The following SDK1 variants were observed in gnomAD, a reference collection of about 807,000 sequenced individuals.
SDK1 encodes protein sidekick-1.
In SDK1, 157 loss-of-function variants were observed where a neutral mutation model predicts 245.5. The ratio of observed to expected loss-of-function variants is 0.64; its 90% confidence interval spans 0.56 to 0.73. The LOEUF (loss-of-function observed/expected upper bound fraction) is 0.73. Among genes scored for constraint, SDK1 ranks in the 30% least tolerant of loss-of-function variants. The pLI, the probability that SDK1 is intolerant of heterozygous loss-of-function variation, is 0.00. For synonymous variants in SDK1, 1,647 were observed against 1,278.5 expected (o/e 1.29, Z -6.15); for missense variants, 3,583 against 3,002.3 (o/e 1.19, Z -4.52).
At position 3,639,012 on chromosome 7, in the gene SDK1, T is replaced by C. The variant is rs748013959; in HGVS notation, c.467T>C (p.Ile156Thr). 2 of 1,597,016 alleles carry C rather than the reference T, an allele frequency of 1.3e-6. No homozygotes were observed. Among genetic ancestry groups the C allele is most frequent in the Non-Finnish European group, 1.7e-6 (2 of 1,167,086 alleles). Residue 156 changes from isoleucine (I) to threonine (T), a missense_variant, in exon 3 of 45, where the codon ATT (isoleucine) becomes ACT (threonine). Coordinates refer to ENST00000404826, the MANE Select transcript of SDK1 (RefSeq NM_152744.4). ...TTTTTGCTATTCAACAGGTACATTA[T>C]TCCATCTTTGCAGAAGCTCGATGCT... ...TTYSSEYKYI[I>T]PSLQKLDAGF...
intron 5 of SDK1, among the ~76,000 whole-genome samples, chr7:3,861,007 A>G (rs1780678392): frequency 6.6e-6 from 1 of 152,146 alleles, no homozygotes; most frequent in Admixed American, 6.5e-5. Flanking sequence ...CTTTGGCTCA[A>G]GTAAACTGTC....
At position 4,265,002 on chromosome 7, in the gene SDK1, G is replaced by A. The variant is rs1788364923; in HGVS notation, c.6382-122G>A. On this transcript the variant is annotated intron_variant, in intron 44 of 44. Coordinates refer to ENST00000404826, the MANE Select transcript of SDK1 (RefSeq NM_152744.4). Reference sequence around the variant, plus strand: ...GCCTGGCATTGGGTTGGGGTGGGGAGAGGGCTGGAGACCGCGACACACGCC... The same window carrying A: ...GCCTGGCATTGGGTTGGGGTGGGGAAAGGGCTGGAGACCGCGACACACGCC... The A allele has an allele frequency of 4.2e-6, 6 of 1,435,324 alleles. No individual in the cohort carries two copies. In the South Asian group the frequency reaches 8.3e-5, roughly 20 times the overall value. The allele number at this position is 1,435,324 out of a possible 1,614,324, so 88.9% of individuals were successfully genotyped here. A position where few individuals can be genotyped will look rare whatever the true frequency, so the allele number is the denominator to read the frequency against.
intron 5 of SDK1, among the ~76,000 whole-genome samples, chr7:3,884,292 T>C (rs1024053971): frequency 6.6e-6 from 1 of 152,144 alleles, no homozygotes; most frequent in Admixed American, 6.6e-5. Context: ...TTATTTCATG[T>C]CCCACTAGAC....
At chr7:4,005,963 A>G (rs1000533791) in intron 14 of SDK1, among the ~76,000 whole-genome samples, 4 of 136,236 alleles carry the variant, frequency 2.9e-5, no homozygotes, top group African/African-American at 1.2e-4. Context: ...GGAAAAGAAC[A>G]TGACTAAGGC....
At chr7:3,569,041 G>C in intron 1 of SDK1, among the ~76,000 whole-genome samples, 1 of 148,636 alleles carries the variant, frequency 6.7e-6, no homozygotes, top group East Asian at 2.0e-4. Flanking sequence ...ATTACCATGA[G>C]TGGTTCTTGG....
At chr7:3,354,053 C>T (rs978721074) in intron 1 of SDK1, among the ~76,000 whole-genome samples, 2 of 149,306 alleles carry the variant, frequency 1.3e-5, no homozygotes, top group Admixed American at 1.3e-4. Flanking sequence ...AGTGCAGTGG[C>T]GAGATCTCGG....
chr7:4,033,553 A>G (rs1787989948), intron 17 of SDK1, among the ~76,000 whole-genome samples: 1 of 152,212 alleles, frequency 6.6e-6, no homozygotes, highest in African/African-American at 2.4e-5. Context: ...AATTGGGGGA[A>G]ATCTTTGCAG....
chr7:4,102,829 AACAG>A (rs761102779), intron 22 of SDK1, among the ~76,000 whole-genome samples: 4 of 152,102 alleles, frequency 2.6e-5, no homozygotes, highest in East Asian at 1.9e-4. Flanking sequence ...CCGTGGGTAT[AACAG>A]ACAGACAGCT....
chr7:3,351,569 T>C (rs1780661000), intron 1 of SDK1, among the ~76,000 whole-genome samples: 2 of 152,246 alleles, frequency 1.3e-5, no homozygotes, highest in South Asian at 2.1e-4. Flanking sequence ...AAAACAAAGA[T>C]ACAGAAGGCA....
intron 5 of SDK1, among the ~76,000 whole-genome samples, chr7:3,909,863 C>T (rs930325512): frequency 6.6e-5 from 10 of 152,082 alleles, no homozygotes; most frequent in Non-Finnish European, 8.8e-5. Flanking sequence ...TTAAATACAA[C>T]AGGATGGAAA....
At chr7:4,000,859 G>C (rs1337150818) in intron 14 of SDK1, among the ~76,000 whole-genome samples, 2 of 152,116 alleles carry the variant, frequency 1.3e-5, no homozygotes, top group Non-Finnish European at 2.9e-5. Flanking sequence ...CATAGCATTT[G>C]TCCGCATTTT....
rs747174686 is a variant in SDK1, at chr7:3,758,636, A to G, written c.714-62814A>G. 9.9e-5 allele frequency among the ~76,000 whole-genome samples: 15 copies of G among 152,118 alleles called. No individual in the cohort carries two copies. In the Middle Eastern group the frequency reaches 0.01, roughly 103 times the overall value. Reference sequence around the variant, plus strand: ...GCTCTTATCTTTTTCTTTTCTTGGCACTTACTCTGCACTGTGAGATCCTCC... The same window carrying G: ...GCTCTTATCTTTTTCTTTTCTTGGCGCTTACTCTGCACTGTGAGATCCTCC... On this transcript the variant is annotated intron_variant, in intron 4 of 44. Transcript: ENST00000404826.
At chr7:4,115,222 G>C (rs574709395) in intron 25 of SDK1, among the ~76,000 whole-genome samples, 5 of 152,338 alleles carry the variant, frequency 3.3e-5, no homozygotes, top group African/African-American at 1.2e-4. Flanking sequence ...GAATGAACCA[G>C]CTGCACCTCT....
At chr7:3,598,112 A>G (rs974789281) in intron 1 of SDK1, among the ~76,000 whole-genome samples, 1 of 152,210 alleles carries the variant, frequency 6.6e-6, no homozygotes, top group Non-Finnish European at 1.5e-5. Flanking sequence ...TGTTTGTATT[A>G]TTCAATTTAG....
At chr7:3,731,864 T>C (rs939870001) in intron 4 of SDK1, among the ~76,000 whole-genome samples, 2 of 152,180 alleles carry the variant, frequency 1.3e-5, no homozygotes, top group Non-Finnish European at 2.9e-5. Context: ...TGATGTTGGC[T>C]CACTGCAACC....
intron 4 of SDK1, among the ~76,000 whole-genome samples, chr7:3,791,365 T>C (rs1396449072): frequency 6.6e-6 from 1 of 152,172 alleles, no homozygotes; most frequent in Non-Finnish European, 1.5e-5. Flanking sequence ...GGGCTCCGTA[T>C]TTTACAAGAA....
At chr7:3,677,454 T>C (rs530972335) in intron 4 of SDK1, among the ~76,000 whole-genome samples, 1 of 152,288 alleles carries the variant, frequency 6.6e-6, no homozygotes, top group South Asian at 2.1e-4. Flanking sequence ...AGTCAGGTCT[T>C]ACATGCTGGC....
intron 1 of SDK1, among the ~76,000 whole-genome samples, chr7:3,578,546 G>A (rs906969953): frequency 6.6e-6 from 1 of 151,940 alleles, no homozygotes; most frequent in Non-Finnish European, 1.5e-5. Flanking sequence ...GAGTACTGCA[G>A]GAGACCAGGG....
intron 4 of SDK1, among the ~76,000 whole-genome samples, chr7:3,656,782 C>T (rs1036242714): frequency 6.6e-5 from 10 of 151,112 alleles, no homozygotes; most frequent in Admixed American, 4.0e-4. Context: ...GCTCTGTCGC[C>T]CAGGCCGGAC....
Sources: allele counts gnomAD v4.1 joint callset (sites outside exome capture counted in the v4.1 genomes callset), GRCh38; gene constraint gnomAD v4.1.1; transcripts MANE v1.5; gene names NCBI Gene and HGNC (gene_info 2026-07-23, HGNC 2026-07-21).